The following UBR3 variants were observed in gnomAD, a reference collection of about 807,000 sequenced individuals.
The protein encoded by UBR3 is E3 ubiquitin-protein ligase UBR3.
Under a neutral mutation model 243.2 loss-of-function variants are expected in UBR3, and 85 were observed. The observed-to-expected ratio is 0.35, with a 90% CI of 0.29 to 0.42. UBR3 has a LOEUF of 0.42. Ranked by LOEUF, UBR3 falls within the 10% of genes least tolerant of loss-of-function variation. The pLI, the probability that UBR3 is intolerant of heterozygous loss-of-function variation, is 1.00. For synonymous variants in UBR3, 748 were observed against 799.8 expected (o/e 0.94, Z 1.09); for missense variants, 1,686 against 2,300.8 (o/e 0.73, Z 5.47).
intron 10 of UBR3, among the ~76,000 whole-genome samples, chr2:169,912,813 C>T (rs1262977785): frequency 6.6e-6 from 1 of 151,908 alleles, no homozygotes; most frequent in Non-Finnish European, 1.5e-5. Flanking sequence ...TAGGGTCTCA[C>T]TGTGTTGCCC....
In UBR3 at chr2:170,011,204, T is replaced by C. The variant is rs546423759; in HGVS notation, c.4367+2264T>C. On this transcript the variant is annotated intron_variant, in intron 29 of 38. Coordinates refer to ENST00000272793, the MANE Select transcript of UBR3 (RefSeq NM_172070.4). Reference sequence around the variant, plus strand: ...TAAAAAATAAGATAAACAAATTGACTCAGAAATTAACAACATATATTGAAG... The same window carrying C: ...TAAAAAATAAGATAAACAAATTGACCCAGAAATTAACAACATATATTGAAG... 2.0e-4 allele frequency among the ~76,000 whole-genome samples: 31 copies of C among 151,934 alleles called. 1 individual carries two copies. In the South Asian group the frequency reaches 6.2e-3, roughly 31 times the overall value.
At chr2:169,846,703 C>CT (rs2082490977) in intron 1 of UBR3, among the ~76,000 whole-genome samples, 1 of 141,718 alleles carries the variant, frequency 7.1e-6, no homozygotes, top group Non-Finnish European at 1.5e-5. Flanking sequence ...GGGCAAGACT[C>CT]TGTCTCAAAA....
At chr2:169,831,128 T>TATATATATATATA (rs1491457428) in intron 1 of UBR3, among the ~76,000 whole-genome samples, 7 of 36,414 alleles carry the variant, frequency 1.9e-4, no homozygotes, top group East Asian at 1.5e-3. Flanking sequence ...TATATATATA[T>TATATATATATATA]TTTTTTTTTT....
chr2:170,003,490 T>C (rs1244632391), intron 27 of UBR3, among the ~76,000 whole-genome samples: 1 of 152,158 alleles, frequency 6.6e-6, no homozygotes, highest in African/African-American at 2.4e-5. Flanking sequence ...ATTTATTCAG[T>C]ATCTACAGTG....
intron 23 of UBR3, among the ~76,000 whole-genome samples, chr2:169,952,436 A>C (rs1171754619): frequency 6.6e-6 from 1 of 152,172 alleles, no homozygotes; most frequent in Non-Finnish European, 1.5e-5. Context: ...TACATCTCTG[A>C]TGTAATTAAA....
intron 25 of UBR3, among the ~76,000 whole-genome samples, chr2:169,987,171 C>T (rs1488623659): frequency 6.6e-6 from 1 of 151,892 alleles, no homozygotes; most frequent in Non-Finnish European, 1.5e-5. Context: ...GGCAGATCAC[C>T]TGAGGTCAGG....
intron 24 of UBR3, among the ~76,000 whole-genome samples, chr2:169,981,180 C>A (rs1025964134): frequency 6.6e-6 from 1 of 151,946 alleles, no homozygotes; most frequent in African/African-American, 2.4e-5. Flanking sequence ...TTATGTAGAG[C>A]CTTTACCCTC....
rs141610119 is a variant in UBR3 at position 169,913,766 on chromosome 2, TG to T, written c.1780-286del. On this transcript the variant is annotated intron_variant, in intron 10 of 38. Transcript: ENST00000272793. ...TGACATTAGGGAATTTATAATAAATTGGGGGGGGTGTCTCTTGAAATGGAGT... is the reference window on the plus strand; with the variant it reads ...TGACATTAGGGAATTTATAATAAATTGGGGGGGTGTCTCTTGAAATGGAGT... 3.0e-3 allele frequency among the ~76,000 whole-genome samples: 461 copies of T among 151,476 alleles called. 2 individuals are homozygous for T. Among genetic ancestry groups the T allele is most frequent in the African/African-American group, 0.01 (416 of 41,276 alleles).
intron 6 of UBR3, among the ~76,000 whole-genome samples, chr2:169,894,892 CTT>C (rs2084523165): frequency 6.6e-6 from 1 of 152,132 alleles, no homozygotes; most frequent in Non-Finnish European, 1.5e-5. Flanking sequence ...CTCTTGATGT[CTT>C]TGTGGATAAT....
intron 32 of UBR3, among the ~76,000 whole-genome samples, chr2:170,054,630 C>A (rs770397329): frequency 1.3e-5 from 2 of 152,068 alleles, no homozygotes; most frequent in South Asian, 2.1e-4. Context: ...TCTGTGTTGC[C>A]CAGGCTTATT....
intron 26 of UBR3, among the ~76,000 whole-genome samples, chr2:169,998,110 C>A (rs1276340592): frequency 2.0e-5 from 3 of 151,848 alleles, no homozygotes. Context: ...CTGTCTCCTG[C>A]CACTATCAAT....
At chr2:169,864,529 C>T (rs551977092) in intron 1 of UBR3, among the ~76,000 whole-genome samples, 3 of 151,206 alleles carry the variant, frequency 2.0e-5, no homozygotes, top group South Asian at 4.2e-4. Context: ...TTTGGGAGGC[C>T]GATGCAGGCA....
At chr2:169,927,515 T>C in intron 17 of UBR3, 110 bp downstream of exon 17, 1 of 827,778 alleles carries the variant, frequency 1.2e-6, no homozygotes, top group Non-Finnish European at 1.8e-6. Flanking sequence ...AGTTGAAAAA[T>C]AATATAGAAA....
intron 25 of UBR3, among the ~76,000 whole-genome samples, chr2:169,989,030 T>G (rs2089159006): frequency 6.6e-6 from 1 of 152,164 alleles, no homozygotes; most frequent in Non-Finnish European, 1.5e-5. Flanking sequence ...TAAGGAGATG[T>G]GCAAAGTGAA....
At chr2:170,009,905 C>T (rs532160394) in intron 29 of UBR3, among the ~76,000 whole-genome samples, 3 of 152,110 alleles carry the variant, frequency 2.0e-5, no homozygotes, top group East Asian at 3.9e-4. Context: ...CTCTGGTCCA[C>T]TCCTGGAACA....
chr2:169,882,868 C>T (rs2083946788), intron 5 of UBR3, among the ~76,000 whole-genome samples: 1 of 152,080 alleles, frequency 6.6e-6, no homozygotes, highest in Non-Finnish European at 1.5e-5. Flanking sequence ...TTCATCTTGT[C>T]TTTCTTATTT....
intron 25 of UBR3, among the ~76,000 whole-genome samples, chr2:169,988,463 A>T (rs2089128010): frequency 6.6e-6 from 1 of 152,186 alleles, no homozygotes; most frequent in Middle Eastern, 3.2e-3. Context: ...AAACAATTCC[A>T]CTATACTGTA....
intron 32 of UBR3, among the ~76,000 whole-genome samples, chr2:170,043,253 A>G (rs1173504120): frequency 6.6e-6 from 1 of 152,104 alleles, no homozygotes; most frequent in Admixed American, 6.6e-5. Flanking sequence ...ATCTAAAGAG[A>G]AAAATATTTT....
intron 30 of UBR3, among the ~76,000 whole-genome samples, chr2:170,023,774 G>A (rs900745660): frequency 2.6e-5 from 4 of 152,078 alleles, no homozygotes; most frequent in African/African-American, 9.7e-5. Context: ...TGTATTTTTA[G>A]TAGAGATGGG....
Sources: allele counts gnomAD v4.1 joint callset (sites outside exome capture counted in the v4.1 genomes callset), GRCh38; gene constraint gnomAD v4.1.1; transcripts MANE v1.5; gene names NCBI Gene and HGNC (gene_info 2026-07-23, HGNC 2026-07-21).